The following ZNF805 variants were observed in gnomAD, a reference collection of about 807,000 sequenced individuals.
The protein encoded by ZNF805 is zinc finger protein 805.
Under a neutral mutation model 13.6 loss-of-function variants are expected in ZNF805, and 7 were observed. The observed-to-expected ratio is 0.51, with a 90% CI of 0.29 to 0.97. The LOEUF (loss-of-function observed/expected upper bound fraction) is 0.97. Among genes scored for constraint, ZNF805 ranks in the 50% least tolerant of loss-of-function variants. The probability of loss-of-function intolerance (pLI) is 0.08; values close to 1 mark genes in which losing one functional copy is unlikely to be tolerated. For missense variants in ZNF805, 604 were observed against 771.0 expected (o/e 0.78, Z 2.57); for synonymous variants, 293 against 279.8 (o/e 1.05, Z -0.47).
At chr19:57,241,817 T>C (rs2087581741) in intron 1 of ZNF805, among the ~76,000 whole-genome samples, 1 of 152,186 alleles carries the variant, frequency 6.6e-6, no homozygotes, top group Non-Finnish European at 1.5e-5. Context: ...CCCTTTCACA[T>C]CTTGTTGGCT....
chr19:57,240,795 C>T lies in ZNF805; in HGVS notation c.-97C>T. On this transcript the variant is annotated 5_prime_UTR_variant, in exon 1 of 4. Transcript: ENST00000414468. ...GAGTTTGACTGTCAGCCAAGGTCAC[C>T]GGGCCCGGCGCAGGGAAGGGGTGGG... 11 of 1,231,686 alleles carry T rather than the reference C, an allele frequency of 8.9e-6. No homozygotes were observed. The highest frequency in any genetic ancestry group is 8.9e-5 in the South Asian group (6 of 67,228). 76.3% of individuals were successfully genotyped at this position (1,231,686 alleles called of 1,614,324 possible).
rs374632414 is a variant in ZNF805, at chr19:57,254,025, C to T, written c.1206C>T (p.Leu402=). The change falls in exon 4 of 4, where the codon CTC becomes CTT. Residue 402 remains leucine, a synonymous_variant. Coordinates refer to ENST00000414468, the MANE Select transcript of ZNF805 (RefSeq NM_001023563.4). ...IHTGEKPFEC[L]ECGKAFNHRS... ...CTGGAGAGAAGCCCTTTGAGTGCCTCGAGTGTGGGAAGGCTTTCAACCACC... is the reference window on the plus strand; with the variant it reads ...CTGGAGAGAAGCCCTTTGAGTGCCTTGAGTGTGGGAAGGCTTTCAACCACC... 60 of 1,605,166 alleles carry T rather than the reference C, an allele frequency of 3.7e-5. No homozygotes were observed. The highest frequency in any genetic ancestry group is 1.1e-4 in the East Asian group (5 of 44,062).
Position 57,259,147 on chromosome 19 carries a change from G to A in ZNF805, c.*4444G>A, listed in dbSNP as rs1012762001. ...GGTGTGTGACATGGAATTTTTTTGAGTGTATCATGTTTGGTTTTTGTTTAG... is the reference window on the plus strand; with the variant it reads ...GGTGTGTGACATGGAATTTTTTTGAATGTATCATGTTTGGTTTTTGTTTAG... On this transcript the variant is annotated 3_prime_UTR_variant, in exon 4 of 4. Coordinates refer to ENST00000414468, the MANE Select transcript of ZNF805 (RefSeq NM_001023563.4). Among the ~76,000 whole-genome samples the A allele has an allele frequency of 1.3e-5, 2 of 152,130 alleles. No individual in the cohort carries two copies. The highest frequency in any genetic ancestry group is 1.3e-4 in the Admixed American group (2 of 15,266).
intron 1 of ZNF805, among the ~76,000 whole-genome samples, chr19:57,242,143 C>T (rs1368770412): frequency 6.6e-6 from 1 of 152,222 alleles, no homozygotes; most frequent in African/African-American, 2.4e-5. Context: ...GAGGTCAAGA[C>T]TCCGACCTGT....
intron 3 of ZNF805, among the ~76,000 whole-genome samples, chr19:57,250,185 C>T (rs1179662933): frequency 6.6e-6 from 1 of 152,174 alleles, no homozygotes; most frequent in Admixed American, 6.5e-5. Context: ...TCACGTCATG[C>T]ATGCCTCCTG....
intron 2 of ZNF805, 63 bp from the exon 3 acceptor site, chr19:57,248,542 G>C (rs1334621910): frequency 1.0e-5 from 14 of 1,397,296 alleles, no homozygotes; most frequent in African/African-American, 1.4e-5. Context: ...TCCCAGACTA[G>C]ATTGAAGGTC....
intron 2 of ZNF805, among the ~76,000 whole-genome samples, chr19:57,247,156 C>G (rs967888918): frequency 6.6e-6 from 1 of 151,952 alleles, no homozygotes; most frequent in South Asian, 2.1e-4. Flanking sequence ...ACTACAGATG[C>G]GAGCCACTGC....
At chr19:57,246,536 G>C (rs2087619629) in intron 2 of ZNF805, among the ~76,000 whole-genome samples, 1 of 152,122 alleles carries the variant, frequency 6.6e-6, no homozygotes, top group Non-Finnish European at 1.5e-5. Flanking sequence ...TCAGCACTTT[G>C]GGAGGGCAAG....
rs897241902 is a variant in ZNF805 at position 57,255,757 on chromosome 19, A to C, written c.*1054A>C. Among the ~76,000 whole-genome samples, 2 of 152,078 alleles carry C rather than the reference A, an allele frequency of 1.3e-5. No individual in the cohort carries two copies. The highest frequency in any genetic ancestry group is 2.4e-5 in the African/African-American group (1 of 41,434). On this transcript the variant is annotated 3_prime_UTR_variant, in exon 4 of 4. Transcript: ENST00000414468. ...TTTTGGGAGAATCCTTAGGATTTTA[A>C]ATATAGAAATGTCATTTGCAATTTG...
rs1351283089 is a variant in ZNF805, at chr19:57,258,116, C to T, written c.*3413C>T. Reference sequence around the variant, plus strand: ...CTCCCGGGTTCAAGCCATTCTCTTGCCTCAGCCTCCCAAGTAGCTGGGATT... The same window carrying T: ...CTCCCGGGTTCAAGCCATTCTCTTGTCTCAGCCTCCCAAGTAGCTGGGATT... On this transcript the variant is annotated 3_prime_UTR_variant, in exon 4 of 4. Coordinates refer to ENST00000414468, the MANE Select transcript of ZNF805 (RefSeq NM_001023563.4). 2.0e-5 allele frequency among the ~76,000 whole-genome samples: 3 copies of T among 150,768 alleles called. No individual in the cohort carries two copies. Among genetic ancestry groups the T allele is most frequent in the African/African-American group, 7.3e-5 (3 of 40,844 alleles).
At chr19:57,242,543 A>G (rs116094171) in intron 1 of ZNF805, among the ~76,000 whole-genome samples, 5,864 of 152,308 alleles carry the variant, frequency 0.039, 310 homozygotes, top group African/African-American at 0.13. Context: ...AGCCTGCATT[A>G]TCTTCAGCCA....
In ZNF805 at chr19:57,256,270, A is replaced by C. The variant is rs1193411926; in HGVS notation, c.*1567A>C. Among the ~76,000 whole-genome samples, 1 of 152,056 alleles carries C rather than the reference A, an allele frequency of 6.6e-6. No homozygotes were observed. Among genetic ancestry groups the C allele is most frequent in the Non-Finnish European group, 1.5e-5 (1 of 67,970 alleles). ...GTTGAGGAAGCTTTCCTCTGATTTCATGAGTGATAATCTGTAGTTTTCTTT... is the reference window on the plus strand; with the variant it reads ...GTTGAGGAAGCTTTCCTCTGATTTCCTGAGTGATAATCTGTAGTTTTCTTT... On this transcript the variant is annotated 3_prime_UTR_variant, in exon 4 of 4. Coordinates refer to ENST00000414468, the MANE Select transcript of ZNF805 (RefSeq NM_001023563.4).
intron 1 of ZNF805, 32 bp from the exon 2 acceptor site, chr19:57,243,891 G>A (rs1476411809): frequency 3.1e-6 from 5 of 1,613,920 alleles, no homozygotes; most frequent in Non-Finnish European, 4.2e-6. Flanking sequence ...TAGTCCCACA[G>A]CAAACTCTAC....
In ZNF805 at chr19:57,256,017, G is replaced by C. The variant is rs1392035967; in HGVS notation, c.*1314G>C. Among the ~76,000 whole-genome samples, 1 of 151,770 alleles carries C rather than the reference G, an allele frequency of 6.6e-6. No individual in the cohort carries two copies. Among genetic ancestry groups the C allele is most frequent in the East Asian group, 1.9e-4 (1 of 5,178 alleles). ...GTTTCCCTCTATTCCTAATTTGCTG[G>C]GATTTTTTTGGTTATTATTAATAAG... is the stretch of plus-strand genomic sequence containing the variant. On this transcript the variant is annotated 3_prime_UTR_variant, in exon 4 of 4. Transcript: ENST00000414468.
intron 2 of ZNF805, among the ~76,000 whole-genome samples, chr19:57,245,639 C>G (rs565871931): frequency 2.7e-5 from 4 of 149,818 alleles, no homozygotes; most frequent in Admixed American, 1.3e-4. Flanking sequence ...ATTAGCCGGG[C>G]GTGGTGGCGG....
In ZNF805 at chr19:57,255,519, A is replaced by G. The variant is rs556807703; in HGVS notation, c.*816A>G. Among the ~76,000 whole-genome samples the G allele has an allele frequency of 1.3e-5, 2 of 152,250 alleles. No homozygotes were observed. Among genetic ancestry groups the G allele is most frequent in the African/African-American group, 4.8e-5 (2 of 41,566 alleles). On this transcript the variant is annotated 3_prime_UTR_variant, in exon 4 of 4. Transcript: ENST00000414468. ...TTTCATTATTTAAATTTTCTTTGAT[A>G]TATTTCATTACTGTTTTATAGTTTA... is the stretch of plus-strand genomic sequence containing the variant.
rs1453415259 is a variant in ZNF805, at chr19:57,256,508, G to A, written c.*1805G>A. Reference sequence around the variant, plus strand: ...AATTATGTATTTATTTTATTTAATAGGTATAGAACTATTCAGAGTATTTCA... The same window carrying A: ...AATTATGTATTTATTTTATTTAATAAGTATAGAACTATTCAGAGTATTTCA... On this transcript the variant is annotated 3_prime_UTR_variant, in exon 4 of 4. Transcript: ENST00000414468. 1.3e-5 allele frequency among the ~76,000 whole-genome samples: 2 copies of A among 151,984 alleles called. No homozygotes were observed. The highest frequency in any genetic ancestry group is 2.9e-5 in the Non-Finnish European group (2 of 67,932).
intron 2 of ZNF805, among the ~76,000 whole-genome samples, chr19:57,245,254 T>C (rs1326033601): frequency 6.6e-6 from 1 of 152,196 alleles, no homozygotes; most frequent in Non-Finnish European, 1.5e-5. Flanking sequence ...CTGTTCTCTT[T>C]GATGAGTGTT....
rs1273705262 is a variant in ZNF805 at position 57,262,436 on chromosome 19, T to C, written c.*7733T>C. ...CAGTGATGACAGGGAACAGAGGAAG[T>C]CTTGTGAGAAAGGATCTTGCCTCTG... is the stretch of plus-strand genomic sequence containing the variant. On this transcript the variant is annotated 3_prime_UTR_variant, in exon 4 of 4. Coordinates refer to ENST00000414468, the MANE Select transcript of ZNF805 (RefSeq NM_001023563.4). 1 of 166,802 alleles carries C rather than the reference T, an allele frequency of 6.0e-6. No homozygotes were observed. Among genetic ancestry groups the C allele is most frequent in the Non-Finnish European group, 1.5e-5 (1 of 68,080 alleles). The allele number at this position is 166,802 out of a possible 1,614,324, so 10.3% of individuals were successfully genotyped here.
Sources: gnomAD v4.1 joint callset for allele counts (sites outside exome capture counted in the v4.1 genomes callset) on GRCh38, gnomAD v4.1.1 for gene constraint, MANE v1.5 for transcripts, NCBI Gene and HGNC (gene_info 2026-07-23, HGNC 2026-07-21) for gene names.